The following BMP2K variants were observed in gnomAD, a reference collection of about 807,000 sequenced individuals.
BMP2K encodes BMP-2-inducible protein kinase.
BMP2K carries 74 observed loss-of-function variants against 116.0 expected under a neutral mutation model. The observed-to-expected ratio is 0.64, with a 90% confidence interval of 0.53 to 0.77. BMP2K has a LOEUF of 0.77. BMP2K is among the 30% of genes least tolerant of loss of function. The pLI is 0.00. For synonymous variants in BMP2K, 486 were observed against 502.5 expected (o/e 0.97, Z 0.44); for missense variants, 1,365 against 1,403.6 (o/e 0.97, Z 0.44).
At chr4:78,908,120 T>C (rs1004240796) in intron 15 of BMP2K, among the ~76,000 whole-genome samples, 1 of 152,148 alleles carries the variant, frequency 6.6e-6, no homozygotes, top group African/African-American at 2.4e-5. Flanking sequence ...TCTGGAAGGA[T>C]AACAAATACA....
At chr4:78,863,664 G>T (rs961617097) in intron 9 of BMP2K, among the ~76,000 whole-genome samples, 1 of 152,120 alleles carries the variant, frequency 6.6e-6, no homozygotes, top group Non-Finnish European at 1.5e-5. Flanking sequence ...TGTGACTGTT[G>T]TAATAGTGAA....
Position 78,912,848 on chromosome 4 carries a change from A to G in BMP2K, c.*815A>G, listed in dbSNP as rs1249020976. The G allele has an allele frequency of 6.6e-6, 1 of 152,202 alleles. No individual in the cohort carries two copies. The highest frequency in any genetic ancestry group is 1.5e-5 in the Non-Finnish European group (1 of 68,024). 9.4% of individuals were successfully genotyped at this position (152,202 alleles called of 1,614,324 possible). On this transcript the variant is annotated 3_prime_UTR_variant, in exon 16 of 16. Coordinates refer to ENST00000502613, the MANE Select transcript of BMP2K (RefSeq NM_198892.2). ...TATCTGACATTTGTAAAGAAATTAT[A>G]AGAAGAAAAAAAGATACAGAACAGA...
At chr4:78,832,107 A>G (rs903606218) in intron 2 of BMP2K, among the ~76,000 whole-genome samples, 1 of 152,108 alleles carries the variant, frequency 6.6e-6, no homozygotes, top group Admixed American at 6.6e-5. Context: ...TTATTTGATG[A>G]GCATTTGGGC....
chr4:78,805,182 G>T (rs1366653359), intron 1 of BMP2K, among the ~76,000 whole-genome samples: 4 of 152,158 alleles, frequency 2.6e-5, no homozygotes, highest in Non-Finnish European at 5.9e-5. Context: ...TTTCCTCATT[G>T]AATTCTTTTG....
chr4:78,848,476 T>G (rs931773292), intron 6 of BMP2K, among the ~76,000 whole-genome samples: 6 of 151,480 alleles, frequency 4.0e-5, no homozygotes, highest in Non-Finnish European at 8.9e-5. Flanking sequence ...TTTTCTGGCC[T>G]AATTTTGTGA....
chr4:78,898,142 G>T (rs1254142902), intron 15 of BMP2K, among the ~76,000 whole-genome samples: 1 of 152,160 alleles, frequency 6.6e-6, no homozygotes, highest in Non-Finnish European at 1.5e-5. Flanking sequence ...AATTCAGTAT[G>T]TTCAGAGAAT....
intron 14 of BMP2K, chr4:78,879,318 C>T: frequency 2.0e-6 from 2 of 993,346 alleles, no homozygotes; most frequent in African/African-American, 1.7e-5. Flanking sequence ...TGAAAGAAAA[C>T]ATGGGCTACT....
At chr4:78,867,188 AAAAG>A (rs1406440249) in intron 10 of BMP2K, among the ~76,000 whole-genome samples, 6 of 152,068 alleles carry the variant, frequency 3.9e-5, no homozygotes, top group Non-Finnish European at 7.4e-5. Context: ...AAAAAAGAAA[AAAAG>A]AAAAAAAAGC....
intron 1 of BMP2K, among the ~76,000 whole-genome samples, chr4:78,795,397 T>G (rs1464659984): frequency 2.0e-5 from 3 of 152,088 alleles, no homozygotes; most frequent in African/African-American, 7.2e-5. Flanking sequence ...TTGAAGGCGA[T>G]CTGAGAAAGC....
At chr4:78,786,800 C>T (rs759073457) in intron 1 of BMP2K, among the ~76,000 whole-genome samples, 28 of 152,180 alleles carry the variant, frequency 1.8e-4, no homozygotes, top group Non-Finnish European at 3.7e-4. Flanking sequence ...AACTGTTACT[C>T]ATATAGCACT....
chr4:78,905,507 AC>A (rs1294599047), intron 15 of BMP2K, among the ~76,000 whole-genome samples: 2 of 151,966 alleles, frequency 1.3e-5, no homozygotes, highest in Non-Finnish European at 2.9e-5. Context: ...TGCACCATCT[AC>A]ACAGTTTTTA....
chr4:78,859,873 T>C (rs1334047579), intron 8 of BMP2K, among the ~76,000 whole-genome samples, 186 bp downstream of exon 8: 1 of 151,828 alleles, frequency 6.6e-6, no homozygotes. Flanking sequence ...AACTATGCAC[T>C]GAGATACCTT....
intron 2 of BMP2K, among the ~76,000 whole-genome samples, chr4:78,830,136 C>A (rs1730140138): frequency 6.6e-6 from 1 of 152,088 alleles, no homozygotes; most frequent in Non-Finnish European, 1.5e-5. Flanking sequence ...CGTGGATTCC[C>A]AAAATGCTAG....
At chr4:78,868,143 A>C (rs573338351) in intron 10 of BMP2K, among the ~76,000 whole-genome samples, 1 of 152,306 alleles carries the variant, frequency 6.6e-6, no homozygotes, top group African/African-American at 2.4e-5. Context: ...TGATAAAGAC[A>C]TTCCAGAAAC....
rs191321915 is a variant in BMP2K at position 78,806,995 on chromosome 4, G to A, written c.179-19042G>A. Among the ~76,000 whole-genome samples the A allele has an allele frequency of 1.6e-3, 236 of 151,850 alleles. 2 individuals carry two copies. Among genetic ancestry groups the A allele is most frequent in the African/African-American group, 5.5e-3 (227 of 41,400 alleles). On this transcript the variant is annotated intron_variant, in intron 1 of 15. Coordinates refer to ENST00000502613, the MANE Select transcript of BMP2K (RefSeq NM_198892.2). ...TTCCCGAGTAGCTGGGATTACAGGC[G>A]CCTGCTACCACCCCCAGCTAATTTT... is the stretch of plus-strand genomic sequence containing the variant.
rs1220137952 is a variant in BMP2K, at chr4:78,826,089, A to G, written c.231A>G (p.Ala77=). 3 of 1,614,122 alleles carry G rather than the reference A, an allele frequency of 1.9e-6. No homozygotes were observed. The highest frequency in any genetic ancestry group is 3.3e-5 in the Admixed American group (2 of 60,010). The change falls in exon 2 of 16, where the codon GCA becomes GCG. Residue 77 remains alanine (A), a synonymous_variant. Coordinates refer to ENST00000502613, the MANE Select transcript of BMP2K (RefSeq NM_198892.2). The stretch of plus-strand genomic sequence containing the variant: ...GTACTCACGGTGGAATCCGATGTGC[A>G]TTGAAGCGAATGTATGTCAATAACA... The part of the protein sequence containing the change: ...LVRTHGGIRC[A]LKRMYVNNMP...
chr4:78,826,803 G>A (rs1284017858), intron 2 of BMP2K, among the ~76,000 whole-genome samples: 1 of 150,974 alleles, frequency 6.6e-6, no homozygotes, highest in South Asian at 2.1e-4. Context: ...CTTTTTAATT[G>A]TGGAGTATTT....
At chr4:78,905,272 G>A (rs867649795) in intron 15 of BMP2K, among the ~76,000 whole-genome samples, 2 of 151,778 alleles carry the variant, frequency 1.3e-5, no homozygotes, top group Admixed American at 6.6e-5. Flanking sequence ...TAATTAACAT[G>A]CAACTTCCTA....
rs1037707762 is a variant in BMP2K, at chr4:78,911,272, G to A, written c.2725G>A (p.Val909Ile). The A allele has an allele frequency of 1.9e-6, 3 of 1,613,878 alleles. No homozygotes were observed. The highest frequency in any genetic ancestry group is 2.2e-5 in the East Asian group (1 of 44,870). Residue 909 changes from valine to isoleucine, a missense_variant, in exon 16 of 16, where the codon GTA becomes ATA. Coordinates refer to ENST00000502613, the MANE Select transcript of BMP2K (RefSeq NM_198892.2). ...TKAPFSKKVN[V>I]QECHAVGPEA... ...GGCGCCTTTTAGCAAGAAGGTGAAT[G>A]TACAAGAATGCCATGCAGTGGGGCC...
Sources: gnomAD v4.1 joint callset for allele counts (sites outside exome capture counted in the v4.1 genomes callset) on GRCh38, gnomAD v4.1.1 for gene constraint, MANE v1.5 for transcripts, NCBI Gene and HGNC (gene_info 2026-07-23, HGNC 2026-07-21) for gene names.